EPHA5: variants seen among roughly 807,000 people sequenced by gnomAD.
EPHA5 encodes the protein ephrin type-A receptor 5.
In EPHA5, 60 loss-of-function variants were observed where a neutral mutation model predicts 105.0. That is an observed-to-expected ratio of 0.57 (90% CI 0.46 to 0.71). The LOEUF (loss-of-function observed/expected upper bound fraction) is 0.71, where lower values mean the gene tolerates loss of function less well. Ranked by LOEUF, EPHA5 falls within the 30% of genes least tolerant of loss-of-function variation. The probability of loss-of-function intolerance (pLI) is 0.00; values close to 1 mark genes in which losing one functional copy is unlikely to be tolerated. For missense variants in EPHA5, 1,218 were observed against 1,274.7 expected (o/e 0.96, Z 0.68); for synonymous variants, 513 against 449.1 (o/e 1.14, Z -1.80).
At chr4:65,596,363 A>T (rs1440394780) in intron 3 of EPHA5, among the ~76,000 whole-genome samples, 1 of 152,132 alleles carries the variant, frequency 6.6e-6, no homozygotes, top group African/African-American at 2.4e-5. Context: ...GAAAGCTGCT[A>T]AACAGTCTAC....
rs375250704 is a variant in EPHA5 at position 65,426,898 on chromosome 4, T to C, written c.1403-6333A>G. Among the ~76,000 whole-genome samples the C allele has an allele frequency of 1.5e-4, 23 of 152,210 alleles. No homozygotes were observed. In the South Asian group the frequency reaches 4.6e-3, roughly 30 times the overall value. On this transcript the variant is annotated intron_variant, in intron 5 of 16. Transcript: ENST00000613740. Reference sequence around the variant, plus strand: ...GAACTATATTTGAATCTAGTATATATTGAATATGTATCTGACTTACATATG... The same window carrying C: ...GAACTATATTTGAATCTAGTATATACTGAATATGTATCTGACTTACATATG...
At chr4:65,420,359 C>A in intron 6 of EPHA5, 82 bp downstream of exon 6, 1 of 1,362,884 alleles carries the variant, frequency 7.3e-7, no homozygotes, top group South Asian at 1.4e-5. Flanking sequence ...TTGCAACATA[C>A]TCTTCTGCAA....
chr4:65,404,848 T>G (rs941941605), intron 7 of EPHA5, among the ~76,000 whole-genome samples: 5 of 152,126 alleles, frequency 3.3e-5, no homozygotes, highest in Non-Finnish European at 7.4e-5. Flanking sequence ...GTATATAAGA[T>G]TTGACATTTT....
chr4:65,418,404 A>G (rs1451117903), intron 6 of EPHA5, among the ~76,000 whole-genome samples: 2 of 152,206 alleles, frequency 1.3e-5, no homozygotes, highest in African/African-American at 2.4e-5. Flanking sequence ...AATCAGTGAG[A>G]AAGTTTAATG....
chr4:65,662,414 C>T lies in EPHA5; in HGVS notation c.181+7148G>A, dbSNP rs984213206. On this transcript the variant is annotated intron_variant, in intron 1 of 16. Transcript: ENST00000613740. ...GTTTATTTAGAACTGAAGACAAGCT[C>T]GATGAATGCAGAAGATGGCCTGGGC... Among the ~76,000 whole-genome samples the T allele has an allele frequency of 7.9e-5, 12 of 151,928 alleles. No homozygotes were observed. The East Asian group carries it at 2.1e-3, about 27-fold the overall frequency.
At chr4:65,485,813 A>G (rs2149200741) in intron 5 of EPHA5, among the ~76,000 whole-genome samples, 1 of 152,314 alleles carries the variant, frequency 6.6e-6, no homozygotes, top group South Asian at 2.1e-4. Flanking sequence ...TTGAATTAAA[A>G]GAAATCAGAA....
chr4:65,416,868 T>C (rs1229091356), intron 6 of EPHA5, among the ~76,000 whole-genome samples: 1 of 152,188 alleles, frequency 6.6e-6, no homozygotes, highest in Non-Finnish European at 1.5e-5. Context: ...TTTAATTATG[T>C]TTCATTCCTT....
At chr4:65,371,269 T>C (rs946571113) in intron 8 of EPHA5, among the ~76,000 whole-genome samples, 2 of 152,192 alleles carry the variant, frequency 1.3e-5, no homozygotes, top group Admixed American at 6.6e-5. Context: ...TCTTTAGTAA[T>C]AGAGATGGGC....
chr4:65,509,782 TTCAGATCATTTCATTAGCATAA>T (rs1252611216), intron 3 of EPHA5, among the ~76,000 whole-genome samples: 6 of 152,176 alleles, frequency 3.9e-5, no homozygotes, highest in African/African-American at 7.2e-5. Context: ...TCTACACTGA[TTCAGATCATTTCATTAGCATAA>T]TCAGATCATT....
intron 8 of EPHA5, among the ~76,000 whole-genome samples, chr4:65,369,264 T>TTGA (rs1478018402): frequency 3.3e-5 from 5 of 152,186 alleles, no homozygotes; most frequent in African/African-American, 7.2e-5. Flanking sequence ...GAACACTGAA[T>TTGA]TGATGATTAA....
intron 5 of EPHA5, among the ~76,000 whole-genome samples, chr4:65,443,527 A>G (rs1726213133): frequency 6.6e-6 from 1 of 152,072 alleles, no homozygotes; most frequent in Admixed American, 6.6e-5. Context: ...TTTAAGGCAT[A>G]TCAGAAACAA....
At chr4:65,524,354 C>A (rs1451747831) in intron 3 of EPHA5, among the ~76,000 whole-genome samples, 1 of 151,758 alleles carries the variant, frequency 6.6e-6, no homozygotes, top group African/African-American at 2.4e-5. Context: ...CCAAATTGTT[C>A]ATATAATATC....
intron 3 of EPHA5, among the ~76,000 whole-genome samples, chr4:65,521,035 A>C (rs1734653918): frequency 6.6e-6 from 1 of 152,190 alleles, no homozygotes; most frequent in Non-Finnish European, 1.5e-5. Flanking sequence ...GTATATACCC[A>C]AAAGATTATA....
At chr4:65,645,156 G>A (rs1748009971) in intron 1 of EPHA5, among the ~76,000 whole-genome samples, 1 of 151,942 alleles carries the variant, frequency 6.6e-6, no homozygotes, top group Non-Finnish European at 1.5e-5. Flanking sequence ...TTTACTTTAT[G>A]GTTGGCTTTC....
intron 5 of EPHA5, among the ~76,000 whole-genome samples, chr4:65,447,084 T>C (rs1482642741): frequency 6.7e-6 from 1 of 149,846 alleles, no homozygotes. Context: ...ACTCCTGGGC[T>C]CAAGCAATCC....
intron 3 of EPHA5, among the ~76,000 whole-genome samples, chr4:65,563,259 GGCGT>G (rs2149360589): frequency 1.3e-5 from 2 of 152,050 alleles, no homozygotes; most frequent in Non-Finnish European, 2.9e-5. Context: ...GTGCTGCTAA[GGCGT>G]TGATGGCTGA....
intron 8 of EPHA5, among the ~76,000 whole-genome samples, chr4:65,384,413 G>C (rs1006810693): frequency 1.3e-5 from 2 of 151,914 alleles, no homozygotes; most frequent in African/African-American, 4.8e-5. Context: ...AGACCAAATG[G>C]TTAGAACCTA....
intron 2 of EPHA5, among the ~76,000 whole-genome samples, chr4:65,623,494 C>T (rs1745881669): frequency 6.6e-6 from 1 of 151,974 alleles, no homozygotes; most frequent in South Asian, 2.1e-4. Context: ...AAGAAGTATA[C>T]AATATGTGAG....
chr4:65,391,059 C>T (rs911020662), intron 8 of EPHA5, among the ~76,000 whole-genome samples: 1 of 151,836 alleles, frequency 6.6e-6, no homozygotes, highest in South Asian at 2.1e-4. Context: ...AGGAGAAGTG[C>T]CAAGCAAAGT....
Sources: gnomAD v4.1 joint callset for allele counts (sites outside exome capture counted in the v4.1 genomes callset) on GRCh38, gnomAD v4.1.1 for gene constraint, MANE v1.5 for transcripts, NCBI Gene and HGNC (gene_info 2026-07-23, HGNC 2026-07-21) for gene names.